ZNF320: variants seen among roughly 807,000 people sequenced by gnomAD.
ZNF320 encodes zinc finger gene 320.
In ZNF320, 2 loss-of-function variants were observed where a neutral mutation model predicts 6.8. That is an observed-to-expected ratio of 0.29 (90% CI 0.12 to 0.93). The LOEUF is 0.93. Ranked by LOEUF, ZNF320 falls within the 40% of genes least tolerant of loss-of-function variation. ZNF320 has a pLI of 0.55. For missense variants in ZNF320, 472 were observed against 611.0 expected, an observed-to-expected ratio of 0.77 and a Z score of 2.40; for synonymous variants, 208 against 203.2, an observed-to-expected ratio of 1.02 and a Z score of -0.20.
intron 5 of ZNF320, among the ~76,000 whole-genome samples, chr19:52,887,542 C>G (rs2064133414): frequency 6.6e-6 from 1 of 152,242 alleles, no homozygotes; most frequent in South Asian, 2.1e-4. Context: ...GTTGAAAGCA[C>G]AGGAGAAGCA....
chr19:52,898,600 G>C (rs535793374), upstream of ZNF320, among the ~76,000 whole-genome samples: 2 of 152,222 alleles, frequency 1.3e-5, no homozygotes, highest in African/African-American at 4.8e-5. Context: ...AGCTGGGAGC[G>C]TCAGCAATCT....
upstream of ZNF320, among the ~76,000 whole-genome samples, chr19:52,898,317 C>G (rs1475738369): frequency 6.6e-6 from 1 of 152,074 alleles, no homozygotes; most frequent in Admixed American, 6.6e-5. Flanking sequence ...GTGAGGTCAC[C>G]ACCTCCTGCT....
upstream of ZNF320, among the ~76,000 whole-genome samples, chr19:52,899,230 T>C (rs565722293): frequency 6.6e-6 from 1 of 152,190 alleles, no homozygotes; most frequent in East Asian, 1.9e-4. Context: ...ATTATAAGAG[T>C]TTTAAATCCT....
downstream of ZNF320, among the ~76,000 whole-genome samples, chr19:52,873,084 C>T (rs574755402): frequency 5.9e-5 from 9 of 152,128 alleles, no homozygotes; most frequent in Non-Finnish European, 8.8e-5. Context: ...ATAGAATGTA[C>T]AATCGGGTTT....
upstream of ZNF320, among the ~76,000 whole-genome samples, chr19:52,898,457 G>T (rs2064536802): frequency 6.6e-6 from 1 of 152,312 alleles, no homozygotes; most frequent in South Asian, 2.1e-4. Flanking sequence ...CTCTACCCCA[G>T]AGCTCCTTCC....
chr19:52,901,753 G>A (rs1248973928), upstream of ZNF320, among the ~76,000 whole-genome samples: 1 of 152,190 alleles, frequency 6.6e-6, no homozygotes, highest in African/African-American at 2.4e-5. Flanking sequence ...TTTATGTTTT[G>A]CCTAAGAGTT....
chr19:52,883,830 C>T (rs1044834837), intron 5 of ZNF320: 2 of 312,878 alleles, frequency 6.4e-6, no homozygotes, highest in South Asian at 2.4e-5. Context: ...ACCCAGGAGG[C>T]GGAGGTTGCA....
At chr19:52,862,697 G>C in exon 6 of ZNF320, 1 of 560,198 alleles carries the variant, frequency 1.8e-6, no homozygotes, top group Non-Finnish European at 3.1e-6. Context: ...GTGAATTTCA[G>C]TATGTTCTGC....
In ZNF320 at chr19:52,879,388, A is replaced by G. The variant is rs1396619896; in HGVS notation, c.*1208T>C. 6.1e-6 allele frequency: 1 copy of G among 163,056 alleles called. No homozygotes were observed. The highest frequency in any genetic ancestry group is 1.3e-5 in the Non-Finnish European group (1 of 75,910). 10.1% of individuals were successfully genotyped at this position (163,056 alleles called of 1,614,324 possible). ...TCAATACATGGAGAAAAAGCATTTC[A>G]CAAAATTCAACATCCAGTCATCATG... On this transcript the variant is annotated 3_prime_UTR_variant, in exon 6 of 6. Transcript: ENST00000682928.
exon 6 of ZNF320, among the ~76,000 whole-genome samples, chr19:52,863,579 G>A (rs1481858216): frequency 6.6e-6 from 1 of 151,162 alleles, no homozygotes; most frequent in Non-Finnish European, 1.5e-5. Context: ...CTCCAGCCTG[G>A]GCTACAGAGC....
At chr19:52,901,857 AGT>A (rs1401314134), upstream of ZNF320, among the ~76,000 whole-genome samples, 7 of 152,028 alleles carry the variant, frequency 4.6e-5, no homozygotes, top group Non-Finnish European at 1.0e-4. Flanking sequence ...TTGTTTTGAG[AGT>A]CAGGCTACTG....
At chr19:52,898,284 C>T (rs1803150811), upstream of ZNF320, among the ~76,000 whole-genome samples, 1 of 152,102 alleles carries the variant, frequency 6.6e-6, no homozygotes, top group South Asian at 2.1e-4. Flanking sequence ...GGGTGCGGAG[C>T]GGAGGCCTCA....
At chr19:52,875,679 G>A (rs1385307337), downstream of ZNF320, among the ~76,000 whole-genome samples, 1 of 152,054 alleles carries the variant, frequency 6.6e-6, no homozygotes, top group East Asian at 1.9e-4. Context: ...CATTTGAGGG[G>A]CTGACTGTGG....
At chr19:52,859,896 C>T (rs1250990578), downstream of ZNF320, among the ~76,000 whole-genome samples, 1 of 148,044 alleles carries the variant, frequency 6.8e-6, no homozygotes, top group African/African-American at 2.5e-5. Flanking sequence ...GAAATGCCTC[C>T]TCTTTAAGTT....
In ZNF320 at chr19:52,876,550, T is replaced by G. The variant is rs116398720; in HGVS notation, c.*4046A>C. 5.9e-5 allele frequency: 9 copies of G among 152,146 alleles called. No individual in the cohort carries two copies. The highest frequency in any genetic ancestry group is 1.3e-4 in the Non-Finnish European group (9 of 68,030). The allele number at this position is 152,146 out of a possible 1,614,324, so 9.4% of individuals were successfully genotyped here. A position where few individuals can be genotyped will look rare whatever the true frequency, so the allele number is the denominator to read the frequency against. The stretch of plus-strand genomic sequence containing the variant: ...GAGTCTCGCTCTTGCCCAGCCAGAG[T>G]GCAGTTGCAGGATCTCAGCTCACTG... On this transcript the variant is annotated 3_prime_UTR_variant, in exon 6 of 6. Transcript: ENST00000682928.
Position 52,881,723 on chromosome 19 carries a change from G to T in ZNF320, c.403C>A (p.Pro135Thr). The T allele has an allele frequency of 6.2e-7, 1 of 1,613,890 alleles. No individual in the cohort carries two copies. The highest frequency in any genetic ancestry group is 8.5e-7 in the Non-Finnish European group (1 of 1,179,862). The change falls in exon 6 of 6, where the codon CCT becomes ACT. Residue 135 changes from proline (P) to threonine (T), a missense_variant. Transcript: ENST00000682928. ...CTTGATTCAAGCTGACCTTTAATAGGCTTGTTTCCAGCATGCCTTTGATCA... is the reference window on the plus strand; with the variant it reads ...CTTGATTCAAGCTGACCTTTAATAGTCTTGTTTCCAGCATGCCTTTGATCA... ...RYDQRHAGNK[P>T]IKGQLESRFH...
chr19:52,866,469 T>C (rs1338845048), intron 5 of ZNF320, among the ~76,000 whole-genome samples: 2 of 151,926 alleles, frequency 1.3e-5, no homozygotes, highest in African/African-American at 2.4e-5. Flanking sequence ...GACTCACACG[T>C]CTTCATTCAG....
At chr19:52,868,192 T>C (rs2063612495) in intron 5 of ZNF320, among the ~76,000 whole-genome samples, 2 of 152,160 alleles carry the variant, frequency 1.3e-5, no homozygotes, top group African/African-American at 2.4e-5. Flanking sequence ...TGAAGCCATC[T>C]AATAGCACTA....
In ZNF320 at chr19:52,877,301, G is replaced by T. The variant is rs998672781; in HGVS notation, c.*3295C>A. On this transcript the variant is annotated 3_prime_UTR_variant, in exon 6 of 6. Coordinates refer to ENST00000682928, the MANE Select transcript of ZNF320 (RefSeq NM_001351774.2). ...ATATACATTGGTCCGGTCTGGAAAG[G>T]TGGAATAACTGGAATTGGGGACCTT... The T allele has an allele frequency of 6.6e-6, 1 of 152,204 alleles. No homozygotes were observed. Among genetic ancestry groups the T allele is most frequent in the Non-Finnish European group, 1.5e-5 (1 of 68,050 alleles). The allele number at this position is 152,204 out of a possible 1,614,324, so 9.4% of individuals were successfully genotyped here.
Sources: allele counts gnomAD v4.1 joint callset (sites outside exome capture counted in the v4.1 genomes callset), GRCh38; gene constraint gnomAD v4.1.1; transcripts MANE v1.5; gene names NCBI Gene and HGNC (gene_info 2026-07-23, HGNC 2026-07-21).